Variants in GC observed in about 807,000 individuals in gnomAD.
The protein encoded by GC is vitamin D-binding protein.
GC carries 43 observed loss-of-function variants against 56.7 expected under a neutral mutation model. The observed-to-expected ratio is 0.76, with a 90% confidence interval of 0.59 to 0.98. The LOEUF is 0.98. GC is among the 50% of genes least tolerant of loss of function. GC has a pLI of 0.00. For synonymous variants in GC, 216 were observed against 202.7 expected, an observed-to-expected ratio of 1.07 and a Z score of -0.56; for missense variants, 529 against 545.9, an observed-to-expected ratio of 0.97 and a Z score of 0.31.
intron 1 of GC, among the ~76,000 whole-genome samples, chr4:71,774,087 A>G (rs1215203188): frequency 1.3e-5 from 2 of 152,008 alleles, no homozygotes; most frequent in Non-Finnish European, 2.9e-5. Context: ...ATTGCCAATG[A>G]AAAAGTTTGA....
At chr4:71,788,999 T>C (rs1742909367), upstream of GC, among the ~76,000 whole-genome samples, 1 of 151,926 alleles carries the variant, frequency 6.6e-6, no homozygotes, top group South Asian at 2.1e-4. Flanking sequence ...TAATGAACTA[T>C]TTTCCAACAC....
chr4:71,781,332 A>G (rs1742672779), intron 1 of GC, among the ~76,000 whole-genome samples: 1 of 151,868 alleles, frequency 6.6e-6, no homozygotes, highest in African/African-American at 2.4e-5. Flanking sequence ...ACATGTATAC[A>G]TATGTATCAA....
chr4:71,763,755 C>G (rs1208661383), intron 5 of GC, 49 bp downstream of exon 5: 1 of 1,472,378 alleles, frequency 6.8e-7, no homozygotes, highest in Admixed American at 2.0e-5. Context: ...AAAAGGAATG[C>G]TATTAGAAGA....
intron 3 of GC, among the ~76,000 whole-genome samples, chr4:71,767,915 G>A (rs1742210388): frequency 6.6e-6 from 1 of 151,722 alleles, no homozygotes; most frequent in Non-Finnish European, 1.5e-5. Flanking sequence ...ACGATATTTG[G>A]GTTTTCATTC....
At chr4:71,784,220 A>G, upstream of GC, 1 of 1,268,256 alleles carries the variant, frequency 7.9e-7, no homozygotes, top group Non-Finnish European at 1.0e-6. Flanking sequence ...ATAAAATAAT[A>G]TCAATCAAGG....
intron 7 of GC, among the ~76,000 whole-genome samples, chr4:71,757,479 T>A (rs1360053620): frequency 6.8e-6 from 1 of 146,278 alleles, no homozygotes; most frequent in African/African-American, 2.8e-5. Flanking sequence ...TAAAGGATTA[T>A]GAAAATGAAA....
chr4:71,790,911 C>G (rs934507403), intron 1 of GC, among the ~76,000 whole-genome samples: 5 of 151,910 alleles, frequency 3.3e-5, no homozygotes, highest in Non-Finnish European at 7.4e-5. Context: ...AGCTATCCCT[C>G]CCCTCTCCCC....
rs1377097542 is a variant in GC, at chr4:71,765,454, C to T, written c.451G>A (p.Asp151Asn). Residue 151 changes from aspartate (D) to asparagine (N), a missense_variant, in exon 4 of 13, where the codon GAT becomes AAT. Asp to Asn is a conservative substitution (Grantham distance 23). Transcript: ENST00000273951. ...CACTGATTAGCATATTCCTTTGGAT[C>T]TTTCCTGAACGCCTCACAGATTTCA... ...NDEICEAFRK[D>N]PKEYANQFMW... 4 of 1,613,774 alleles carry T rather than the reference C, an allele frequency of 2.5e-6. No homozygotes were observed. The highest frequency in any genetic ancestry group is 3.4e-4 in the Middle Eastern group (2 of 5,922).
At chr4:71,743,861 G>A (rs1043615557) in intron 12 of GC, among the ~76,000 whole-genome samples, 7 of 152,180 alleles carry the variant, frequency 4.6e-5, no homozygotes, top group Admixed American at 3.9e-4. Flanking sequence ...AAAATCCATG[G>A]AAGGGATATG....
In GC at chr4:71,756,893, G is replaced by A. The variant is rs1324824903; in HGVS notation, c.853C>T (p.Leu285Phe). 1 of 1,611,984 alleles carries A rather than the reference G, an allele frequency of 6.2e-7. No homozygotes were observed. The highest frequency in any genetic ancestry group is 8.5e-7 in the Non-Finnish European group (1 of 1,178,074). The stretch of plus-strand genomic sequence containing the variant: ...TTCTTTGTGGATAAATTGTCACAGA[G>A]TTTTACTGTGTGTTCAGGCAGCTAC... The part of the protein sequence containing the change: ...AKELPEHTVK[L>F]CDNLSTKNSK... Residue 285 changes from leucine (L) to phenylalanine (F), a missense_variant, in exon 8 of 13, where the codon CTC becomes TTC. By Grantham distance (22) the Leu-to-Phe change is conservative. Transcript: ENST00000273951.
At chr4:71,790,151 A>T (rs761088762) in intron 1 of GC, among the ~76,000 whole-genome samples, 2 of 151,954 alleles carry the variant, frequency 1.3e-5, no homozygotes, top group Non-Finnish European at 2.9e-5. Flanking sequence ...TTTGTCTCGA[A>T]ATCTGTTTTG....
intron 1 of GC, among the ~76,000 whole-genome samples, chr4:71,782,045 A>G (rs1352845): frequency 0.25 from 38,288 of 151,608 alleles, 5,409 homozygotes; most frequent in East Asian, 0.39. Flanking sequence ...CAAAGGCATG[A>G]ATTGTGAAAC....
In GC at chr4:71,768,303, T is replaced by C; in HGVS notation, c.259A>G (p.Arg87Gly). The change falls in exon 3 of 13, where the codon AGG (arginine) becomes GGG (glycine). Residue 87 changes from arginine (R) to glycine (G), a missense_variant and splice_region_variant. Transcript: ENST00000273951. ...GACGGCCAGCCACAGAAACCTACCC[T>C]GGTGTCATAGCAGTCAGGGTCAGCC... Reference protein sequence around the residue: ...EGADPDCYDTRTSALSAKSCE... With the variant: ...EGADPDCYDTGTSALSAKSCE... 7 of 1,604,038 alleles carry C rather than the reference T, an allele frequency of 4.4e-6. No homozygotes were observed. Among genetic ancestry groups the C allele is most frequent in the Non-Finnish European group, 6.0e-6 (7 of 1,174,594 alleles).
chr4:71,800,237 A>G (rs571012016), intron 1 of GC, among the ~76,000 whole-genome samples: 37 of 150,440 alleles, frequency 2.5e-4, no homozygotes, highest in Admixed American at 4.6e-4. Flanking sequence ...CCCTCCCCTC[A>G]CCCTCCCTGG....
At chr4:71,804,744 G>A (rs1054122106), upstream of GC, among the ~76,000 whole-genome samples, 87 of 151,944 alleles carry the variant, frequency 5.7e-4, no homozygotes, top group African/African-American at 1.9e-3. Flanking sequence ...TGCCTTGTTC[G>A]TCTTGCATCA....
intron 1 of GC, among the ~76,000 whole-genome samples, chr4:71,773,183 A>G (rs1418814346): frequency 6.6e-6 from 1 of 152,100 alleles, no homozygotes; most frequent in African/African-American, 2.4e-5. Flanking sequence ...AAATATTGGC[A>G]TAATCTTAGT....
At chr4:71,771,083 A>G (rs1169350128) in intron 1 of GC, among the ~76,000 whole-genome samples, 1 of 152,210 alleles carries the variant, frequency 6.6e-6, no homozygotes, top group Non-Finnish European at 1.5e-5. Context: ...TGTAGGAAGT[A>G]TATAAATTGC....
At chr4:71,787,937 A>C (rs1423365676), upstream of GC, among the ~76,000 whole-genome samples, 2 of 151,706 alleles carry the variant, frequency 1.3e-5, no homozygotes, top group African/African-American at 4.8e-5. Context: ...TGGGTCCATG[A>C]CTCTGGAGCT....
intron 8 of GC, among the ~76,000 whole-genome samples, chr4:71,755,598 C>G (rs915759224): frequency 6.6e-6 from 1 of 152,148 alleles, no homozygotes; most frequent in Admixed American, 6.5e-5. Flanking sequence ...CATTGAGATA[C>G]AAGCTATTAA....
Sources: allele counts gnomAD v4.1 joint callset (sites outside exome capture counted in the v4.1 genomes callset), GRCh38; gene constraint gnomAD v4.1.1; transcripts MANE v1.5; gene names NCBI Gene and HGNC (gene_info 2026-07-23, HGNC 2026-07-21).